The following CDK6 variants were observed in gnomAD, a reference collection of about 807,000 sequenced individuals.
CDK6 encodes the protein cyclin-dependent kinase 6.
In CDK6, 6 loss-of-function variants were observed where a neutral mutation model predicts 37.1. The ratio of observed to expected loss-of-function variants is 0.16; its 90% CI spans 0.09 to 0.32. The LOEUF (loss-of-function observed/expected upper bound fraction) is 0.32. CDK6 is among the 10% of genes least tolerant of loss of function. The pLI is 1.00. For missense variants in CDK6, 224 were observed against 418.9 expected, an observed-to-expected ratio of 0.53 and a Z score of 4.06; for synonymous variants, 160 against 161.3, an observed-to-expected ratio of 0.99 and a Z score of 0.06.
In CDK6 at chr7:92,605,751, C is replaced by T. The variant is rs1795412434; in HGVS notation, c.*9389G>A. The T allele has an allele frequency of 4.3e-6, 1 of 233,120 alleles. No individual in the cohort carries two copies. Among genetic ancestry groups the T allele is most frequent in the Admixed American group, 5.6e-5 (1 of 17,786 alleles). 14.4% of individuals were successfully genotyped at this position (233,120 alleles called of 1,614,324 possible). A position where few individuals can be genotyped will look rare whatever the true frequency, so the allele number is the denominator to read the frequency against. On this transcript the variant is annotated 3_prime_UTR_variant, in exon 8 of 8. Coordinates refer to ENST00000424848, the MANE Select transcript of CDK6 (RefSeq NM_001145306.2). ...GACAGCCCTTCCCCTCTTGCTATGT[C>T]TATACCATACCTGAGGCCATTTTTC...
Position 92,610,546 on chromosome 7 carries a change from G to A in CDK6, c.*4594C>T. 4.4e-6 allele frequency: 1 copy of A among 228,988 alleles called. No individual in the cohort carries two copies. Among genetic ancestry groups the A allele is most frequent in the Non-Finnish European group, 8.7e-6 (1 of 115,426 alleles). 14.2% of individuals were successfully genotyped at this position (228,988 alleles called of 1,614,324 possible). On this transcript the variant is annotated 3_prime_UTR_variant, in exon 8 of 8. Coordinates refer to ENST00000424848, the MANE Select transcript of CDK6 (RefSeq NM_001145306.2). The stretch of plus-strand genomic sequence containing the variant: ...TATTTTTGGTTTATTTTCTGAAAAA[G>A]TACAAGATAGAAATGCTTGAGATAT...
intron 5 of CDK6, among the ~76,000 whole-genome samples, chr7:92,628,517 T>C (rs528157340): frequency 2.0e-5 from 3 of 152,244 alleles, no homozygotes; most frequent in Non-Finnish European, 4.4e-5. Context: ...TGGAACTCAA[T>C]TAATACATGC....
intron 3 of CDK6, among the ~76,000 whole-genome samples, chr7:92,750,974 T>C (rs1217473688): frequency 6.6e-6 from 1 of 152,170 alleles, no homozygotes; most frequent in African/African-American, 2.4e-5. Flanking sequence ...TTATTTCCTG[T>C]ACAGACGTCA....
At chr7:92,731,585 T>G (rs891092383) in intron 3 of CDK6, among the ~76,000 whole-genome samples, 5 of 152,162 alleles carry the variant, frequency 3.3e-5, no homozygotes, top group African/African-American at 1.2e-4. Flanking sequence ...GCTTCTAATT[T>G]TTACTGCTTC....
intron 4 of CDK6, among the ~76,000 whole-genome samples, chr7:92,675,739 G>A (rs1228120079): frequency 1.3e-5 from 2 of 152,058 alleles, no homozygotes; most frequent in Non-Finnish European, 2.9e-5. Context: ...GTGTCTTAAC[G>A]GTCTTTTGAA....
At chr7:92,754,965 C>T (rs1799276905) in intron 3 of CDK6, among the ~76,000 whole-genome samples, 1 of 152,100 alleles carries the variant, frequency 6.6e-6, no homozygotes, top group South Asian at 2.1e-4. Context: ...TTAACAGAGT[C>T]CATTTCCTTT....
At chr7:92,715,543 G>A (rs1798211654) in intron 4 of CDK6, among the ~76,000 whole-genome samples, 1 of 152,126 alleles carries the variant, frequency 6.6e-6, no homozygotes, top group African/African-American at 2.4e-5. Context: ...GATAGATGCT[G>A]GGTGCAACAA....
chr7:92,639,226 C>T (rs893931190), intron 5 of CDK6, among the ~76,000 whole-genome samples: 1 of 152,162 alleles, frequency 6.6e-6, no homozygotes, highest in Non-Finnish European at 1.5e-5. Context: ...AGATTCTTTG[C>T]TAAGCACTTC....
chr7:92,621,116 A>C (rs1179502887), intron 6 of CDK6, among the ~76,000 whole-genome samples: 1 of 152,232 alleles, frequency 6.6e-6, no homozygotes, highest in Non-Finnish European at 1.5e-5. Flanking sequence ...ACAGGGCACA[A>C]AATCTATAAA....
chr7:92,835,883 C>T lies in CDK6; in HGVS notation c.-368+595G>A, dbSNP rs959059096. Among the ~76,000 whole-genome samples, 5 of 152,244 alleles carry T rather than the reference C, an allele frequency of 3.3e-5. No individual in the cohort carries two copies. The South Asian group carries it at 8.3e-4, about 25-fold the overall frequency. On this transcript the variant is annotated intron_variant, in intron 1 of 7. Transcript: ENST00000424848. The surrounding 1 kb of genome is among the most constrained non-coding windows in gnomAD (Gnocchi z 4.2). The stretch of plus-strand genomic sequence containing the variant: ...GGAAACTACAGCAAACGTGCGTCTT[C>T]GCGGGGCTCCAAGCCTGGGCACTGG...
chr7:92,645,949 T>C (rs1315383768), intron 5 of CDK6, among the ~76,000 whole-genome samples: 1 of 152,254 alleles, frequency 6.6e-6, no homozygotes, highest in African/African-American at 2.4e-5. Flanking sequence ...ATAAAGACTG[T>C]GTGATTCATA....
intron 3 of CDK6, among the ~76,000 whole-genome samples, chr7:92,774,408 C>T (rs1196151913): frequency 2.6e-5 from 4 of 152,126 alleles, no homozygotes; most frequent in African/African-American, 9.7e-5. Context: ...AGACAATCTA[C>T]AACTAAGTAT....
chr7:92,605,136 C>A lies in CDK6; in HGVS notation c.*10004G>T, dbSNP rs1353541123. ...AACTATTTGCTCTTTTTGCCTCATT[C>A]AATTTAGCTTTCACATAAGTGAACA... On this transcript the variant is annotated 3_prime_UTR_variant, in exon 8 of 8. Coordinates refer to ENST00000424848, the MANE Select transcript of CDK6 (RefSeq NM_001145306.2). 4.3e-6 allele frequency: 1 copy of A among 232,670 alleles called. No homozygotes were observed. The highest frequency in any genetic ancestry group is 8.5e-6 in the Non-Finnish European group (1 of 117,638). 14.4% of individuals were successfully genotyped at this position (232,670 alleles called of 1,614,324 possible).
intron 4 of CDK6, chr7:92,724,941 T>G (rs1798473833): frequency 1.0e-5 from 9 of 859,104 alleles, no homozygotes; most frequent in Non-Finnish European, 9.8e-6. Context: ...AAAATCCATC[T>G]GAGAAATAAT....
chr7:92,766,611 G>A (rs1172039980), intron 3 of CDK6, among the ~76,000 whole-genome samples: 2 of 152,210 alleles, frequency 1.3e-5, no homozygotes, highest in Non-Finnish European at 2.9e-5. Context: ...AGCCTTGGAT[G>A]TTCCCATGTT....
intron 4 of CDK6, among the ~76,000 whole-genome samples, chr7:92,709,730 G>T (rs1798044614): frequency 6.6e-6 from 1 of 151,434 alleles, no homozygotes. Context: ...TTTTCTTATT[G>T]CCTCACTGTT....
chr7:92,727,633 C>T (rs1040634101), intron 3 of CDK6, among the ~76,000 whole-genome samples: 1 of 152,142 alleles, frequency 6.6e-6, no homozygotes, highest in Non-Finnish European at 1.5e-5. Flanking sequence ...AACATGACCA[C>T]TGCTACAAGG....
In CDK6 at chr7:92,607,255, G is replaced by C. The variant is rs1795449738; in HGVS notation, c.*7885C>G. On this transcript the variant is annotated 3_prime_UTR_variant, in exon 8 of 8. Transcript: ENST00000424848. ...TCACGTGAGGGAAGCTTCTTCATGA[G>C]GGCAGACAAGAGGAGGCACCACCCA... 4.3e-6 allele frequency: 1 copy of C among 233,724 alleles called. No individual in the cohort carries two copies. Among genetic ancestry groups the C allele is most frequent in the Middle Eastern group, 1.3e-3 (1 of 786 alleles). The allele number at this position is 233,724 out of a possible 1,614,324, so 14.5% of individuals were successfully genotyped here.
rs1338034605 is a variant in CDK6, at chr7:92,613,629, G to A, written c.*1511C>T. ...GCACTAGAAATAAGCACAGCCTGGG[G>A]GATGGAGAAAAGATCATTTGATAGA... is the stretch of plus-strand genomic sequence containing the variant. On this transcript the variant is annotated 3_prime_UTR_variant, in exon 8 of 8. Coordinates refer to ENST00000424848, the MANE Select transcript of CDK6 (RefSeq NM_001145306.2). 3 of 233,152 alleles carry A rather than the reference G, an allele frequency of 1.3e-5. No individual in the cohort carries two copies. In the East Asian group the frequency reaches 1.8e-4, roughly 14 times the overall value. The allele number at this position is 233,152 out of a possible 1,614,324, so 14.4% of individuals were successfully genotyped here.
Sources: gnomAD v4.1 joint callset for allele counts (sites outside exome capture counted in the v4.1 genomes callset) on GRCh38, gnomAD v4.1.1 for gene constraint, Gnocchi (gnomAD v3.1) non-coding constraint, MANE v1.5 for transcripts, NCBI Gene and HGNC (gene_info 2026-07-23, HGNC 2026-07-21) for gene names.